PIP4K2A: variants seen among roughly 807,000 people sequenced by gnomAD.
The protein encoded by PIP4K2A is phosphatidylinositol 5-phosphate 4-kinase type-2 alpha.
A neutral mutation model predicts 42.9 loss-of-function variants in PIP4K2A; 14 were observed. The ratio of observed to expected loss-of-function variants is 0.33; its 90% CI spans 0.22 to 0.51. PIP4K2A has a LOEUF of 0.51. Among genes scored for constraint, PIP4K2A ranks in the 20% least tolerant of loss-of-function variants. The pLI, the probability that PIP4K2A is intolerant of heterozygous loss-of-function variation, is 0.97. For synonymous variants in PIP4K2A, 192 were observed against 192.2 expected (o/e 1.00, Z 0.01); for missense variants, 434 against 519.8 (o/e 0.83, Z 1.61).
intron 4 of PIP4K2A, among the ~76,000 whole-genome samples, chr10:22,588,806 A>C (rs1837451965): frequency 6.6e-6 from 1 of 152,252 alleles, no homozygotes; most frequent in African/African-American, 2.4e-5. Flanking sequence ...AATTATATTT[A>C]AAATATTCTG....
rs370093340 is a variant in PIP4K2A, at chr10:22,565,715, G to A, written c.678+2136C>T. Among the ~76,000 whole-genome samples the A allele has an allele frequency of 3.3e-5, 5 of 152,204 alleles. No individual in the cohort carries two copies. The South Asian group carries it at 6.2e-4, about 19-fold the overall frequency. On this transcript the variant is annotated intron_variant, in intron 6 of 9. Transcript: ENST00000376573. ...AACTCTGACCACCAGTGAGCCGGGC[G>A]GAACAGAGCCATATTTCTCTTCTTT...
At chr10:22,601,254 T>C (rs1837768306) in intron 3 of PIP4K2A, among the ~76,000 whole-genome samples, 1 of 149,374 alleles carries the variant, frequency 6.7e-6, no homozygotes, top group South Asian at 2.2e-4. Context: ...GGCTGTCAGC[T>C]CTCTGTCAAA....
At chr10:22,602,760 A>G (rs187670577) in intron 3 of PIP4K2A, among the ~76,000 whole-genome samples, 85 of 152,268 alleles carry the variant, frequency 5.6e-4, no homozygotes, top group African/African-American at 2.0e-3. Flanking sequence ...TGTGTTGCCC[A>G]GGCTGGTCTC....
chr10:22,653,460 C>T (rs1839034071), intron 1 of PIP4K2A, among the ~76,000 whole-genome samples: 1 of 152,204 alleles, frequency 6.6e-6, no homozygotes, highest in South Asian at 2.1e-4. Context: ...CTGTCAGCAA[C>T]AACAGGCTCA....
intron 1 of PIP4K2A, among the ~76,000 whole-genome samples, chr10:22,627,978 T>A (rs539449547): frequency 4.6e-5 from 7 of 152,332 alleles, no homozygotes; most frequent in Admixed American, 4.6e-4. Context: ...GCACACTTGG[T>A]ACATCCCAGG....
chr10:22,588,476 T>C (rs1217317065), intron 4 of PIP4K2A, among the ~76,000 whole-genome samples: 1 of 152,236 alleles, frequency 6.6e-6, no homozygotes, highest in Non-Finnish European at 1.5e-5. Context: ...ATGCTGGTCA[T>C]CTTGGCATGA....
intron 1 of PIP4K2A, among the ~76,000 whole-genome samples, chr10:22,658,528 C>T (rs1160478447): frequency 6.6e-6 from 1 of 152,200 alleles, no homozygotes; most frequent in East Asian, 1.9e-4. Flanking sequence ...AACTACCAAA[C>T]ATTCAAAATA....
At chr10:22,653,010 C>T (rs1839024400) in intron 1 of PIP4K2A, among the ~76,000 whole-genome samples, 1 of 152,096 alleles carries the variant, frequency 6.6e-6, no homozygotes, top group Non-Finnish European at 1.5e-5. Flanking sequence ...GGGAGGATGG[C>T]TCGAGCCCGT....
chr10:22,646,605 T>C (rs1838888409), intron 1 of PIP4K2A, among the ~76,000 whole-genome samples: 1 of 152,020 alleles, frequency 6.6e-6, no homozygotes, highest in South Asian at 2.1e-4. Context: ...CTGAGAATAG[T>C]TGTTTAGAAG....
intron 6 of PIP4K2A, among the ~76,000 whole-genome samples, chr10:22,557,285 C>CTGTT (rs1233657685): frequency 6.6e-6 from 1 of 152,216 alleles, no homozygotes. Context: ...AGATGCAGCA[C>CTGTT]TGTTTGCTTC....
intron 3 of PIP4K2A, among the ~76,000 whole-genome samples, chr10:22,606,825 T>C (rs1837917062): frequency 1.3e-5 from 2 of 152,238 alleles, no homozygotes; most frequent in African/African-American, 2.4e-5. Context: ...GCATCCTTTA[T>C]TTGAAATGCC....
At chr10:22,619,447 T>C (rs1314959137) in intron 1 of PIP4K2A, among the ~76,000 whole-genome samples, 1 of 151,102 alleles carries the variant, frequency 6.6e-6, no homozygotes, top group Admixed American at 6.6e-5. Flanking sequence ...TTCTTTTTTT[T>C]TTTTTTTGAG....
At chr10:22,672,042 A>G (rs1250614116) in intron 1 of PIP4K2A, among the ~76,000 whole-genome samples, 1 of 152,250 alleles carries the variant, frequency 6.6e-6, no homozygotes, top group Non-Finnish European at 1.5e-5. Context: ...CCCTAACAAC[A>G]AAAACAATAT....
At chr10:22,699,367 G>A in intron 1 of PIP4K2A, among the ~76,000 whole-genome samples, 1 of 152,062 alleles carries the variant, frequency 6.6e-6, no homozygotes, top group East Asian at 1.9e-4. Flanking sequence ...GTCTAAGAGA[G>A]ACAGGGGACC....
At chr10:22,629,445 G>C (rs1838506869) in intron 1 of PIP4K2A, among the ~76,000 whole-genome samples, 1 of 152,100 alleles carries the variant, frequency 6.6e-6, no homozygotes, top group African/African-American at 2.4e-5. Context: ...TTCGAGGAAA[G>C]CAATCTATGC....
At chr10:22,543,734 G>A (rs997844093) in intron 7 of PIP4K2A, among the ~76,000 whole-genome samples, 2 of 152,220 alleles carry the variant, frequency 1.3e-5, no homozygotes, top group African/African-American at 4.8e-5. Context: ...TTGTGGGGGC[G>A]GCTGCGGGGA....
intron 4 of PIP4K2A, among the ~76,000 whole-genome samples, chr10:22,588,952 T>A (rs1837454970): frequency 1.3e-5 from 2 of 152,322 alleles, no homozygotes; most frequent in African/African-American, 4.8e-5. Context: ...GAGGTGTCAA[T>A]AGACTTATTT....
At chr10:22,552,783 G>A (rs1836445019) in intron 6 of PIP4K2A, among the ~76,000 whole-genome samples, 1 of 152,176 alleles carries the variant, frequency 6.6e-6, no homozygotes, top group Admixed American at 6.5e-5. Flanking sequence ...GTGTCATTAT[G>A]TGTTGGCGAT....
intron 1 of PIP4K2A, among the ~76,000 whole-genome samples, chr10:22,712,934 GTGTGTGTC>G (rs923140359): frequency 6.6e-5 from 10 of 151,816 alleles, no homozygotes; most frequent in African/African-American, 2.2e-4. Context: ...GTGTGTGTGT[GTGTGTGTC>G]TGTGTGTGTG....
Sources: gnomAD v4.1 joint callset for allele counts (sites outside exome capture counted in the v4.1 genomes callset) on GRCh38, gnomAD v4.1.1 for gene constraint, MANE v1.5 for transcripts, NCBI Gene and HGNC (gene_info 2026-07-23, HGNC 2026-07-21) for gene names.